GSE1: variants seen among roughly 807,000 people sequenced by gnomAD.
The protein encoded by GSE1 is genetic suppressor element 1.
GSE1 carries 32 observed loss-of-function variants against 112.6 expected under a neutral mutation model. That is an observed-to-expected ratio of 0.28 (90% CI 0.21 to 0.38). The LOEUF (loss-of-function observed/expected upper bound fraction) is 0.38. Ranked by LOEUF, GSE1 falls within the 10% of genes least tolerant of loss-of-function variation. The probability of loss-of-function intolerance (pLI) is 1.00; values close to 1 mark genes in which losing one functional copy is unlikely to be tolerated. For synonymous variants in GSE1, 1,115 were observed against 735.6 expected (o/e 1.52, Z -8.35); for missense variants, 2,348 against 1,699.2 (o/e 1.38, Z -6.71).
At chr16:85,272,909 T>C (rs1908992775) in intron 1 of GSE1, among the ~76,000 whole-genome samples, 1 of 152,028 alleles carries the variant, frequency 6.6e-6, no homozygotes, top group African/African-American at 2.4e-5. Flanking sequence ...CCCGAGTAGC[T>C]GGGATTACAG....
At chr16:85,651,203 G>T (rs991933554) in intron 3 of GSE1, among the ~76,000 whole-genome samples, 2 of 151,672 alleles carry the variant, frequency 1.3e-5, no homozygotes, top group African/African-American at 4.8e-5. Context: ...GTGAGACCCC[G>T]GCTGCCGCTA....
chr16:85,561,801 T>TA (rs1158242847), intron 1 of GSE1, among the ~76,000 whole-genome samples: 1 of 152,184 alleles, frequency 6.6e-6, no homozygotes, highest in African/African-American at 2.4e-5. Flanking sequence ...AGAGCTGGGG[T>TA]ACCCAGAGTG....
upstream of GSE1, among the ~76,000 whole-genome samples, chr16:85,606,897 C>A (rs932335530): frequency 6.6e-6 from 1 of 152,228 alleles, no homozygotes; most frequent in Non-Finnish European, 1.5e-5. Context: ...CGCTGCTCCC[C>A]CAGCCCCCTT....
intron 1 of GSE1, among the ~76,000 whole-genome samples, chr16:85,306,748 A>G (rs568937437): frequency 1.3e-5 from 2 of 152,062 alleles, no homozygotes; most frequent in African/African-American, 4.8e-5. Flanking sequence ...AGAGCGGGCC[A>G]CCTCCAGCCC....
rs2053144932 is a variant in GSE1, at chr16:85,669,401, T to C, written c.3415+977T>C. ...TCAAATACTTAGAAAAGTAGTTTTT[T>C]TCTTTTTTCTCCTGGTAGAACTCAG... is the stretch of plus-strand genomic sequence containing the variant. On this transcript the variant is annotated intron_variant, in intron 14 of 15. Transcript: ENST00000253458. 2.6e-5 allele frequency among the ~76,000 whole-genome samples: 4 copies of C among 152,274 alleles called. No homozygotes were observed. In the South Asian group the frequency reaches 8.3e-4, roughly 31 times the overall value.
intron 1 of GSE1, among the ~76,000 whole-genome samples, chr16:85,235,629 C>T (rs1475205295): frequency 2.0e-5 from 3 of 150,558 alleles, no homozygotes; most frequent in Non-Finnish European, 4.4e-5. Context: ...GGGTGGGGCT[C>T]ATACTCCTCG....
At chr16:85,185,504 A>G (rs2074681503) in intron 1 of GSE1, 1 of 152,304 alleles carries the variant, frequency 6.6e-6, no homozygotes, top group Non-Finnish European at 1.5e-5. Context: ...CAGCCTGCAG[A>G]GAGCTGGGCT....
At chr16:85,313,520 AC>A (rs1057106565) in intron 1 of GSE1, among the ~76,000 whole-genome samples, 1 of 148,492 alleles carries the variant, frequency 6.7e-6, no homozygotes, top group Non-Finnish European at 1.5e-5. Flanking sequence ...GAATATTACC[AC>A]CCCCCACCCC....
intron 1 of GSE1, among the ~76,000 whole-genome samples, chr16:85,219,842 CGACGTCT>C (rs1327832305): frequency 2.0e-5 from 3 of 152,252 alleles, no homozygotes; most frequent in Non-Finnish European, 2.9e-5. Flanking sequence ...GCCCCCAAGC[CGACGTCT>C]CTTTGTTTCT....
intron 2 of GSE1, among the ~76,000 whole-genome samples, chr16:85,364,019 A>G (rs1429726992): frequency 5.9e-5 from 9 of 152,196 alleles, no homozygotes; most frequent in Non-Finnish European, 1.3e-4. Flanking sequence ...AACAACACTC[A>G]TTACTCTCAC....
At chr16:85,426,810 C>G (rs2049005192) in intron 2 of GSE1, among the ~76,000 whole-genome samples, 1 of 152,146 alleles carries the variant, frequency 6.6e-6, no homozygotes, top group Non-Finnish European at 1.5e-5. Context: ...TGGGAGTGTG[C>G]TAAATTAACC....
chr16:85,246,225 A>G (rs1470596009), intron 1 of GSE1, among the ~76,000 whole-genome samples: 5 of 140,484 alleles, frequency 3.6e-5, no homozygotes, highest in Admixed American at 2.1e-4. Flanking sequence ...ACACACACAC[A>G]CACACACACA....
chr16:85,389,518 G>A (rs2047787284), intron 2 of GSE1, among the ~76,000 whole-genome samples: 1 of 151,910 alleles, frequency 6.6e-6, no homozygotes, highest in African/African-American at 2.4e-5. Flanking sequence ...TGAGGGTGGG[G>A]GTCACATTAT....
At chr16:85,217,581 A>G (rs911725407) in intron 1 of GSE1, among the ~76,000 whole-genome samples, 1 of 152,138 alleles carries the variant, frequency 6.6e-6, no homozygotes, top group Non-Finnish European at 1.5e-5. Context: ...TGCTGGGTGA[A>G]ATGGGGGATG....
chr16:85,476,471 G>A (rs570232211), intron 2 of GSE1, among the ~76,000 whole-genome samples: 16 of 152,322 alleles, frequency 1.1e-4, no homozygotes, highest in East Asian at 3.9e-4. Flanking sequence ...TTTAAACTCC[G>A]TGTATCATGG....
intron 2 of GSE1, among the ~76,000 whole-genome samples, chr16:85,499,234 C>T (rs1022692522): frequency 1.3e-5 from 2 of 150,060 alleles, no homozygotes; most frequent in African/African-American, 2.4e-5. Flanking sequence ...TGAAGGACAA[C>T]CCAGATGGGC....
chr16:85,543,097 G>A (rs957623924), intron 2 of GSE1, among the ~76,000 whole-genome samples: 1 of 151,894 alleles, frequency 6.6e-6, no homozygotes, highest in African/African-American at 2.4e-5. Context: ...GCAGTGGCAG[G>A]CGCCTGTAGG....
At chr16:85,269,977 G>A (rs1407248643) in intron 1 of GSE1, among the ~76,000 whole-genome samples, 1 of 149,552 alleles carries the variant, frequency 6.7e-6, no homozygotes, top group Admixed American at 6.7e-5. Flanking sequence ...TTTGAAGACT[G>A]AGGCTGAGAG....
chr16:85,421,453 G>T (rs1168433262), intron 2 of GSE1, among the ~76,000 whole-genome samples: 2 of 152,192 alleles, frequency 1.3e-5, no homozygotes, highest in African/African-American at 2.4e-5. Context: ...GAAAGCTGGG[G>T]CACAGAGAGG....
Sources: gnomAD v4.1 joint callset for allele counts (sites outside exome capture counted in the v4.1 genomes callset) on GRCh38, gnomAD v4.1.1 for gene constraint, MANE v1.5 for transcripts, NCBI Gene and HGNC (gene_info 2026-07-23, HGNC 2026-07-21) for gene names.